The following THADA variants were observed in gnomAD, a reference collection of about 807,000 sequenced individuals.
The protein encoded by THADA is tRNA (32-2'-O)-methyltransferase regulator THADA.
THADA carries 213 observed loss-of-function variants against 219.8 expected under a neutral mutation model. The observed-to-expected ratio is 0.97, with a 90% CI of 0.87 to 1.09. The LOEUF (loss-of-function observed/expected upper bound fraction) is 1.09. Ranked by LOEUF, THADA falls within the 50% of genes least tolerant of loss-of-function variation. THADA has a pLI of 0.00. For missense variants in THADA, 2,956 were observed against 2,311.3 expected, an observed-to-expected ratio of 1.28 and a Z score of -5.72; for synonymous variants, 1,018 against 828.9, an observed-to-expected ratio of 1.23 and a Z score of -3.92.
chr2:43,438,876 A>T (rs1179272474), intron 26 of THADA, among the ~76,000 whole-genome samples: 3 of 152,210 alleles, frequency 2.0e-5, no homozygotes, highest in Admixed American at 1.3e-4. Flanking sequence ...AAACTTGAAC[A>T]ATTATAACAA....
At chr2:43,269,283 G>A (rs776938934) in intron 36 of THADA, among the ~76,000 whole-genome samples, 3 of 152,220 alleles carry the variant, frequency 2.0e-5, no homozygotes, top group Non-Finnish European at 4.4e-5. Flanking sequence ...TCGGCTTTCA[G>A]AAGCAGCAAG....
At chr2:43,264,804 C>T (rs1267863776) in intron 36 of THADA, among the ~76,000 whole-genome samples, 1 of 152,116 alleles carries the variant, frequency 6.6e-6, no homozygotes, top group Non-Finnish European at 1.5e-5. Context: ...GGAAGGTCAG[C>T]GCTTTGGAAG....
intron 25 of THADA, among the ~76,000 whole-genome samples, chr2:43,490,575 G>C (rs1275595512): frequency 6.6e-6 from 1 of 151,976 alleles, no homozygotes; most frequent in Non-Finnish European, 1.5e-5. Flanking sequence ...AATAATGTGG[G>C]TTTTGTTCTT....
In THADA at chr2:43,589,755, G is replaced by A. The variant is rs549096797; in HGVS notation, c.302+1069C>T. ...ACAGTATACACTGCTCAGGTGATGT[G>A]TGCACCAAAATCTCAGAAACCACCA... On this transcript the variant is annotated intron_variant, in intron 4 of 37. Transcript: ENST00000405975. Among the ~76,000 whole-genome samples the A allele has an allele frequency of 1.2e-4, 18 of 151,954 alleles. No individual in the cohort carries two copies. The East Asian group carries it at 3.5e-3, about 29-fold the overall frequency.
chr2:43,516,774 C>T (rs1172087000), intron 22 of THADA, among the ~76,000 whole-genome samples: 1 of 152,054 alleles, frequency 6.6e-6, no homozygotes, highest in Non-Finnish European at 1.5e-5. Context: ...GATGAAAATA[C>T]TATCAACTCT....
At chr2:43,500,748 A>G (rs1212152661) in intron 24 of THADA, among the ~76,000 whole-genome samples, 1 of 152,210 alleles carries the variant, frequency 6.6e-6, no homozygotes, top group African/African-American at 2.4e-5. Context: ...ACTGTTTTGA[A>G]AAAACTAAAA....
rs576983026 is a variant in THADA at position 43,512,431 on chromosome 2, C to T, written c.3375-3651G>A. 4.6e-5 allele frequency among the ~76,000 whole-genome samples: 7 copies of T among 152,336 alleles called. No individual in the cohort carries two copies. In the South Asian group the frequency reaches 1.4e-3, roughly 32 times the overall value. ...GGTCCAATAATGGAACTTCCACCCT[C>T]CCTTTTTACTAAAATTAAACATACT... is the stretch of plus-strand genomic sequence containing the variant. On this transcript the variant is annotated intron_variant, in intron 22 of 37. Coordinates refer to ENST00000405975, the MANE Select transcript of THADA (RefSeq NM_022065.5).
chr2:43,333,627 G>A (rs1666048961), intron 30 of THADA, among the ~76,000 whole-genome samples: 1 of 152,142 alleles, frequency 6.6e-6, no homozygotes, highest in South Asian at 2.1e-4. Flanking sequence ...AACTTGCTCT[G>A]TGGCTAGCGA....
At position 43,574,767 on chromosome 2, in the gene THADA, G is replaced by C. The variant is rs1257322269; in HGVS notation, c.1298C>G (p.Pro433Arg). Residue 433 changes from proline to arginine, a missense_variant, in exon 11 of 38, where the codon CCT (proline) becomes CGT (arginine). Physicochemically the swap from Pro to Arg is moderately radical, Grantham distance 103. Coordinates refer to ENST00000405975, the MANE Select transcript of THADA (RefSeq NM_022065.5). ...RLTVEGADFV[P>R]DPFFVELTES... ...AGTCAATTCCACAAAGAAAGGATCA[G>C]GGACGAAATCTGCACCTTCCACAGT... 2.5e-6 allele frequency: 4 copies of C among 1,614,040 alleles called. No homozygotes were observed. The highest frequency in any genetic ancestry group is 3.4e-6 in the Non-Finnish European group (4 of 1,179,898).
At chr2:43,430,861 G>A (rs1043650093) in intron 26 of THADA, among the ~76,000 whole-genome samples, 1 of 152,210 alleles carries the variant, frequency 6.6e-6, no homozygotes, top group Non-Finnish European at 1.5e-5. Flanking sequence ...TTTAGACATT[G>A]CCAAATATAC....
At chr2:43,377,465 A>G (rs1391842307) in intron 29 of THADA, among the ~76,000 whole-genome samples, 1 of 152,166 alleles carries the variant, frequency 6.6e-6, no homozygotes, top group African/African-American at 2.4e-5. Flanking sequence ...GCCAGATATA[A>G]AGAAGGAACT....
At position 43,591,933 on chromosome 2, in the gene THADA, A is replaced by T; in HGVS notation, c.171+19T>A. On this transcript the variant is annotated intron_variant, in intron 3 of 37. Coordinates refer to ENST00000405975, the MANE Select transcript of THADA (RefSeq NM_022065.5). Reference sequence around the variant, plus strand: ...TGATACTCTTAAAGATGCATCCATGAATATCAATTCAGACTTACCTGTTTA... The same window carrying T: ...TGATACTCTTAAAGATGCATCCATGTATATCAATTCAGACTTACCTGTTTA... The T allele has an allele frequency of 6.8e-7, 1 of 1,461,404 alleles. No individual in the cohort carries two copies. The allele number at this position is 1,461,404 out of a possible 1,614,324, so 90.5% of individuals were successfully genotyped here.
At chr2:43,298,595 A>T (rs969023631) in intron 31 of THADA, among the ~76,000 whole-genome samples, 6 of 136,264 alleles carry the variant, frequency 4.4e-5, no homozygotes, top group South Asian at 2.5e-4. Context: ...AATTATCAAT[A>T]AAAAAAAAAT....
intron 22 of THADA, among the ~76,000 whole-genome samples, chr2:43,514,887 T>C (rs1691135739): frequency 2.6e-5 from 2 of 78,214 alleles, no homozygotes; most frequent in South Asian, 8.6e-4. Context: ...ATATGTATAA[T>C]ATATATTTTA....
chr2:43,527,884 TAGTACTTC>T lies in THADA; in HGVS notation c.3361_3368del (p.Glu1121LysfsTer24). 1 of 1,605,376 alleles carries T rather than the reference TAGTACTTC, an allele frequency of 6.2e-7. No individual in the cohort carries two copies. The highest frequency in any genetic ancestry group is 1.1e-5 in the South Asian group (1 of 90,630). The stretch of plus-strand genomic sequence containing the variant: ...CAAAAGGATATTTGTTTTACCTGTT[TAGTACTTC>T]AGTGAGTTTCACAAAACCAGTATAA... On this transcript the variant is annotated frameshift_variant, in exon 22 of 38. Transcript: ENST00000405975. LOFTEE classifies it high-confidence loss of function.
At chr2:43,301,719 T>C (rs1676285250) in intron 31 of THADA, among the ~76,000 whole-genome samples, 1 of 152,206 alleles carries the variant, frequency 6.6e-6, no homozygotes, top group Admixed American at 6.5e-5. Context: ...CAGGGGACAC[T>C]TGACCACATC....
chr2:43,434,730 A>G (rs1489894592), intron 26 of THADA, among the ~76,000 whole-genome samples: 1 of 152,216 alleles, frequency 6.6e-6, no homozygotes, highest in Non-Finnish European at 1.5e-5. Context: ...CTTCCAATCA[A>G]TAAAACCCTG....
intron 29 of THADA, among the ~76,000 whole-genome samples, chr2:43,384,431 T>C (rs576351322): frequency 6.6e-6 from 1 of 152,140 alleles, no homozygotes; most frequent in Non-Finnish European, 1.5e-5. Context: ...AGTTGGTGGG[T>C]GTGGATTGTA....
At chr2:43,584,194 T>A (rs536597020) in intron 7 of THADA, among the ~76,000 whole-genome samples, 117 of 152,124 alleles carry the variant, frequency 7.7e-4, no homozygotes, top group Non-Finnish European at 1.4e-3. Context: ...AAGACTTTTT[T>A]AAAAAAATAA....
Sources: gnomAD v4.1 joint callset for allele counts (sites outside exome capture counted in the v4.1 genomes callset) on GRCh38, gnomAD v4.1.1 for gene constraint, MANE v1.5 for transcripts, NCBI Gene and HGNC (gene_info 2026-07-23, HGNC 2026-07-21) for gene names.